Variants in AMN observed in about 807,000 individuals in gnomAD.
The protein encoded by AMN is amnion associated transmembrane protein.
In AMN, 40 loss-of-function variants were observed where a neutral mutation model predicts 49.1. The ratio of observed to expected loss-of-function variants is 0.81; its 90% CI spans 0.63 to 1.06. The LOEUF (loss-of-function observed/expected upper bound fraction) is 1.06, where lower values mean the gene tolerates loss of function less well. Among genes scored for constraint, AMN ranks in the 50% least tolerant of loss-of-function variants. The pLI, the probability that AMN is intolerant of heterozygous loss-of-function variation, is 0.00. For synonymous variants in AMN, 380 were observed against 313.3 expected (o/e 1.21, Z -2.25); for missense variants, 701 against 662.8 (o/e 1.06, Z -0.63).
rs760255866 is a variant in AMN at position 102,930,659 on chromosome 14, CG to C, written c.1345del (p.Ala449ProfsTer55). 2.6e-6 allele frequency: 4 copies of C among 1,529,270 alleles called. No homozygotes were observed. Among genetic ancestry groups the C allele is most frequent in the African/African-American group, 2.8e-5 (2 of 72,244 alleles). The allele number at this position is 1,529,270 out of a possible 1,614,324, so 94.7% of individuals were successfully genotyped here. The part of the protein sequence containing the change: ...HSYFVNPLFA[G>X]AEAEA ...GTTACTTCGTCAACCCTCTGTTCGCCGGGGCCGAGGCCGAGGCCTGAGCGGC... is the reference window on the plus strand; with the variant it reads ...GTTACTTCGTCAACCCTCTGTTCGCCGGGCCGAGGCCGAGGCCTGAGCGGC... On this transcript the variant is annotated frameshift_variant, in exon 12 of 12. Coordinates refer to ENST00000299155, the MANE Select transcript of AMN (RefSeq NM_030943.4). LOFTEE classifies it high-confidence loss of function.
rs778728963 is a variant in AMN at position 102,930,588 on chromosome 14, C to G, written c.1270C>G (p.Arg424Gly). 132 of 1,582,322 alleles carry G rather than the reference C, an allele frequency of 8.3e-5. No individual in the cohort carries two copies. Among genetic ancestry groups the G allele is most frequent in the Admixed American group, 5.9e-4 (33 of 55,890 alleles). Residue 424 changes from arginine (R) to glycine (G), a missense_variant, in exon 12 of 12, where the codon CGG becomes GGG. By Grantham distance (125) the Arg-to-Gly change is moderately radical. Transcript: ENST00000299155. ...TGTCACCCCGCAGCCCCTGCCGCGG[C>G]GGCTCAGCCTGGTTCCGAAGGCGGC... Reference protein sequence around the residue: ...TASEELPLPRRLSLVPKAAAD... With the variant: ...TASEELPLPRGLSLVPKAAAD...
intron 3 of AMN, among the ~76,000 whole-genome samples, chr14:102,927,145 C>T (rs1220739539): frequency 3.3e-5 from 5 of 152,302 alleles, no homozygotes; most frequent in South Asian, 4.1e-4. Flanking sequence ...ATGCCCGCTT[C>T]GGCCTTCCAA....
intron 3 of AMN, among the ~76,000 whole-genome samples, chr14:102,925,872 C>G (rs1188371733): frequency 6.6e-6 from 1 of 152,216 alleles, no homozygotes; most frequent in Non-Finnish European, 1.5e-5. Context: ...ATGTTGCCCT[C>G]CACACCCCTG....
rs386834161 is a variant in AMN at position 102,930,107 on chromosome 14, CCGCCCCGCCGCGCCT to C, written c.1006+34_1007-31del. On this transcript the variant is annotated intron_variant, in intron 9 of 11. Coordinates refer to ENST00000299155, the MANE Select transcript of AMN (RefSeq NM_030943.4). ...GAACGGTAACCGCGCCCGCCCCATC[CCGCCCCGCCGCGCCT>C]CGCCCCGCCGCGGGGAAGACTGAGC... 93 of 1,512,914 alleles carry C rather than the reference CCGCCCCGCCGCGCCT, an allele frequency of 6.1e-5. No individual in the cohort carries two copies. Among genetic ancestry groups the C allele is most frequent in the Admixed American group, 2.6e-4 (12 of 46,600 alleles). 93.7% of individuals were successfully genotyped at this position (1,512,914 alleles called of 1,614,324 possible). A position where few individuals can be genotyped will look rare whatever the true frequency, so the allele number is the denominator to read the frequency against.
chr14:102,922,854 G>A, intron 1 of AMN, 123 bp downstream of exon 1: 1 of 1,363,212 alleles, frequency 7.3e-7, no homozygotes, highest in Non-Finnish European at 9.9e-7. Context: ...GGCTTTGGAG[G>A]GTTGGGGGCG....
intron 1 of AMN, 191 bp downstream of exon 1, chr14:102,922,922 A>AG: frequency 1.3e-6 from 1 of 785,320 alleles, no homozygotes; most frequent in Non-Finnish European, 2.0e-6. Context: ...GTGCGCGGCC[A>AG]GTGCATCGGG....
Position 102,923,950 on chromosome 14 carries a change from G to A in AMN, c.178G>A (p.Val60Met). 6.2e-7 allele frequency: 1 copy of A among 1,613,272 alleles called. No individual in the cohort carries two copies. Among genetic ancestry groups the A allele is most frequent in the South Asian group, 1.1e-5 (1 of 91,084 alleles). ...FPADKMVSVL[V>M]QEGHAVSDML... is the part of the protein sequence containing the mutation. ...CTTCCTGCAGATGGTGTCAGTCCTG[G>A]TGCAAGAAGGTCACGCCGTCTCAGA... Residue 60 changes from valine (V) to methionine (M), a missense_variant, in exon 3 of 12, where the codon GTG becomes ATG. Coordinates refer to ENST00000299155, the MANE Select transcript of AMN (RefSeq NM_030943.4).
chr14:102,923,682 T>C (rs763055844), intron 1 of AMN, 29 bp from the exon 2 acceptor site: 1 of 1,579,236 alleles, frequency 6.3e-7, no homozygotes, highest in Non-Finnish European at 8.7e-7. Context: ...CCGGAGAGCA[T>C]CCCGGGCACT....
At chr14:102,923,094 T>C (rs905404636) in intron 1 of AMN, 2 of 282,732 alleles carry the variant, frequency 7.1e-6, no homozygotes, top group East Asian at 1.8e-4. Flanking sequence ...CCGCCTCAGC[T>C]TCCCGGTCCC....
In AMN at chr14:102,930,462, C is replaced by CG. The variant is rs1737440152; in HGVS notation, c.1228dup (p.Val410GlyfsTer?). 6.5e-7 allele frequency: 1 copy of CG among 1,529,810 alleles called. No individual in the cohort carries two copies. Among genetic ancestry groups the CG allele is most frequent in the African/African-American group, 1.4e-5 (1 of 72,040 alleles). The allele number at this position is 1,529,810 out of a possible 1,614,324, so 94.8% of individuals were successfully genotyped here. On this transcript the variant is annotated frameshift_variant, in exon 11 of 12. Transcript: ENST00000299155. LOFTEE classifies it low-confidence loss of function (END_TRUNC). The stretch of plus-strand genomic sequence containing the variant: ...GGAGCGCCCCTCGGCTTCCGCAACC[C>CG]GGTGTTCGACGTGACGGCCTCCGAG...
chr14:102,929,542 C>A lies in AMN; in HGVS notation c.760+6C>A. ...GCAGTGCTGTGACCTCTGTGGTAAG[C>A]GCCCCCGCCGGGCCCTGCTTGCTGG... On this transcript the variant is annotated splice_donor_region_variant and intron_variant, in intron 7 of 11. Coordinates refer to ENST00000299155, the MANE Select transcript of AMN (RefSeq NM_030943.4). 1 of 1,539,484 alleles carries A rather than the reference C, an allele frequency of 6.5e-7. No homozygotes were observed. Among genetic ancestry groups the A allele is most frequent in the Non-Finnish European group, 8.7e-7 (1 of 1,146,334 alleles).
intron 9 of AMN, 26 bp from the exon 10 acceptor site, chr14:102,930,139 A>G: frequency 6.7e-7 from 1 of 1,500,258 alleles, no homozygotes; most frequent in South Asian, 1.3e-5. Flanking sequence ...GCCGCGGGGA[A>G]GACTGAGCCG....
chr14:102,930,679 G>T lies in AMN; in HGVS notation c.1361G>T (p.Ter454LeuextTer4), dbSNP rs1248516609. ...TTCGCCGGGGCCGAGGCCGAGGCCT[G>T]AGCGGCCGCCTGACCGTCGACCTTG... The part of the protein sequence containing the change: ...PLFAGAEAEA[*>L] Residue 454 changes from the stop codon to leucine (L), a stop_lost, in exon 12 of 12, where the codon TGA becomes TTA. Transcript: ENST00000299155. 5.7e-6 allele frequency: 9 copies of T among 1,580,950 alleles called. No individual in the cohort carries two copies. Among genetic ancestry groups the T allele is most frequent in the South Asian group, 1.2e-5 (1 of 86,844 alleles).
Position 102,928,504 on chromosome 14 carries a change from T to A in AMN, c.286T>A (p.Cys96Ser). 6.2e-7 allele frequency: 1 copy of A among 1,607,476 alleles called. No homozygotes were observed. Among genetic ancestry groups the A allele is most frequent in the Non-Finnish European group, 8.5e-7 (1 of 1,178,592 alleles). Residue 96 changes from cysteine to serine, a missense_variant, in exon 4 of 12, where the codon TGT (cysteine) becomes AGT (serine). Physicochemically the swap from Cys to Ser is moderately radical, Grantham distance 112. Coordinates refer to ENST00000299155, the MANE Select transcript of AMN (RefSeq NM_030943.4). ...GVSDVGSHLD[C>S]GAGEPAVFRD... ...CTCAGACGTGGGCTCGCACCTGGAC[T>A]GTGGCGCGGGTGAGGCGGTCGGGCA...
chr14:102,924,074 G>A, intron 3 of AMN, 95 bp downstream of exon 3: 1 of 1,549,694 alleles, frequency 6.5e-7, no homozygotes, highest in Non-Finnish European at 8.9e-7. Context: ...GACCCCACCG[G>A]CATGGAGGCA....
intron 3 of AMN, among the ~76,000 whole-genome samples, chr14:102,925,929 C>T (rs1429747356): frequency 6.6e-6 from 1 of 152,178 alleles, no homozygotes; most frequent in Non-Finnish European, 1.5e-5. Flanking sequence ...AGTAACAGGC[C>T]GTGCACATCA....
rs1225372621 is a variant in AMN at position 102,930,769 on chromosome 14, A to G, written c.*89A>G. 17 of 1,388,860 alleles carry G rather than the reference A, an allele frequency of 1.2e-5. No individual in the cohort carries two copies. The highest frequency in any genetic ancestry group is 2.0e-5 in the Admixed American group (1 of 50,726). The allele number at this position is 1,388,860 out of a possible 1,614,324, so 86.0% of individuals were successfully genotyped here. A position where few individuals can be genotyped will look rare whatever the true frequency, so the allele number is the denominator to read the frequency against. ...TAGCCACCTCCTCGTCCAGCCCCCAAACCTCCCCTTCCTTTCCCCCTCCTC... is the reference window on the plus strand; with the variant it reads ...TAGCCACCTCCTCGTCCAGCCCCCAGACCTCCCCTTCCTTTCCCCCTCCTC... On this transcript the variant is annotated 3_prime_UTR_variant, in exon 12 of 12. Coordinates refer to ENST00000299155, the MANE Select transcript of AMN (RefSeq NM_030943.4).
rs756662668 is a variant in AMN, at chr14:102,929,488, G to C, written c.712G>C (p.Ala238Pro). The change falls in exon 7 of 12, where the codon GCC (alanine) becomes CCC (proline). Residue 238 changes from alanine (A) to proline (P), a missense_variant. Transcript: ENST00000299155. ...QPLGGRCPQA[A>P]CHSALRPQGQ... ...CCTGGGCGGCCGCTGCCCCCAGGCC[G>C]CCTGCCACAGCGCCCTCCGGCCCCA... The C allele has an allele frequency of 1.0e-5, 16 of 1,532,272 alleles. No individual in the cohort carries two copies. The highest frequency in any genetic ancestry group is 5.9e-5 in the Admixed American group (3 of 50,862). 94.9% of individuals were successfully genotyped at this position (1,532,272 alleles called of 1,614,324 possible). A position where few individuals can be genotyped will look rare whatever the true frequency, so the allele number is the denominator to read the frequency against.
At chr14:102,928,335 C>T (rs1891233863) in intron 3 of AMN, 91 bp from the exon 4 acceptor site, 3 of 1,227,268 alleles carry the variant, frequency 2.4e-6, no homozygotes, top group Non-Finnish European at 3.5e-6. Flanking sequence ...CACAGGGTCT[C>T]GGCTTCTCGT....
Sources: gnomAD v4.1 joint callset for allele counts (sites outside exome capture counted in the v4.1 genomes callset) on GRCh38, gnomAD v4.1.1 for gene constraint, MANE v1.5 for transcripts, NCBI Gene and HGNC (gene_info 2026-07-23, HGNC 2026-07-21) for gene names.